ARHGAP18: variants seen among roughly 807,000 people sequenced by gnomAD.
ARHGAP18 encodes the protein rho GTPase-activating protein 18.
ARHGAP18 carries 67 observed loss-of-function variants against 86.2 expected under a neutral mutation model. That is an observed-to-expected ratio of 0.78 (90% CI 0.64 to 0.95). The LOEUF (loss-of-function observed/expected upper bound fraction) is 0.95. Among genes scored for constraint, ARHGAP18 ranks in the 40% least tolerant of loss-of-function variants. The pLI, the probability that ARHGAP18 is intolerant of heterozygous loss-of-function variation, is 0.00. For missense variants in ARHGAP18, 691 were observed against 780.4 expected, an observed-to-expected ratio of 0.89 and a Z score of 1.37; for synonymous variants, 283 against 280.4, an observed-to-expected ratio of 1.01 and a Z score of -0.09.
At chr6:129,638,300 T>A in intron 3 of ARHGAP18, 94 bp downstream of exon 3, 1 of 1,239,676 alleles carries the variant, frequency 8.1e-7, no homozygotes, top group South Asian at 1.3e-5. Flanking sequence ...GAATAGGTGA[T>A]CATTACGTTT....
intron 2 of ARHGAP18, among the ~76,000 whole-genome samples, chr6:129,641,206 C>T (rs1055526768): frequency 6.6e-6 from 1 of 152,096 alleles, no homozygotes; most frequent in Admixed American, 6.5e-5. Flanking sequence ...CTTTGAAAAC[C>T]ACCCACAAAA....
At chr6:129,630,767 C>T (rs182439448) in intron 4 of ARHGAP18, among the ~76,000 whole-genome samples, 25 of 152,208 alleles carry the variant, frequency 1.6e-4, no homozygotes, top group Admixed American at 1.2e-3. Flanking sequence ...AGGAGGGTTC[C>T]ACACTTGGTT....
intron 1 of ARHGAP18, among the ~76,000 whole-genome samples, chr6:129,703,994 AGGT>A (rs1376994861): frequency 1.9e-5 from 1 of 54,038 alleles, no homozygotes; most frequent in African/African-American, 5.6e-5. Context: ...ATATATGATC[AGGT>A]AATAATACAC....
chr6:129,636,107 C>T (rs1424335875), intron 3 of ARHGAP18, among the ~76,000 whole-genome samples: 1 of 152,166 alleles, frequency 6.6e-6, no homozygotes, highest in African/African-American at 2.4e-5. Flanking sequence ...ACTAAATTTC[C>T]TTACCATTCA....
intron 5 of ARHGAP18, among the ~76,000 whole-genome samples, chr6:129,625,770 TATA>T: frequency 1.6e-5 from 1 of 63,848 alleles, no homozygotes; most frequent in Non-Finnish European, 2.8e-5. Flanking sequence ...ATATATTATA[TATA>T]TTTATATATA....
rs1021891831 is a variant in ARHGAP18, at chr6:129,588,149, G to C, written c.1714-4037C>G. On this transcript the variant is annotated intron_variant, in intron 12 of 14. Transcript: ENST00000368149. ...TTTTTTTTTTTTGCAATGGAGTCTT[G>C]CTTTTTCACCCAGGCTGGAGTGTAG... Among the ~76,000 whole-genome samples the C allele has an allele frequency of 2.1e-5, 3 of 142,190 alleles. No individual in the cohort carries two copies. The Admixed American group carries it at 2.2e-4, about 10-fold the overall frequency. 93.3% of individuals were successfully genotyped at this position (142,190 alleles called of 152,430 possible).
chr6:129,625,872 TTA>T (rs1237058323), intron 5 of ARHGAP18, among the ~76,000 whole-genome samples: 821 of 69,886 alleles, frequency 0.012, 112 homozygotes, highest in Non-Finnish European at 0.018. Context: ...ATATTATATA[TTA>T]TATATTTATA....
chr6:129,617,791 T>G (rs991060381), intron 6 of ARHGAP18, among the ~76,000 whole-genome samples: 6 of 152,232 alleles, frequency 3.9e-5, no homozygotes, highest in Non-Finnish European at 8.8e-5. Context: ...GGGCCCAGCA[T>G]GACAGGACCA....
intron 7 of ARHGAP18, among the ~76,000 whole-genome samples, chr6:129,612,014 C>T (rs1788990398): frequency 6.6e-6 from 1 of 152,074 alleles, no homozygotes; most frequent in African/African-American, 2.4e-5. Flanking sequence ...TTAGCTTGTT[C>T]CAAGAAAGAA....
chr6:129,613,214 C>G (rs1184702070), intron 7 of ARHGAP18, among the ~76,000 whole-genome samples: 2 of 132,126 alleles, frequency 1.5e-5, no homozygotes, highest in Non-Finnish European at 3.1e-5. Context: ...GCCTGGGCGA[C>G]AGAGCGAGAC....
chr6:129,695,901 T>A (rs1024748691), intron 1 of ARHGAP18, among the ~76,000 whole-genome samples: 2 of 152,150 alleles, frequency 1.3e-5, no homozygotes, highest in East Asian at 1.9e-4. Context: ...GGCTTCCTAG[T>A]CACGTATCCT....
At chr6:129,624,590 T>G (rs377693924) in intron 5 of ARHGAP18, among the ~76,000 whole-genome samples, 2 of 151,718 alleles carry the variant, frequency 1.3e-5, no homozygotes, top group East Asian at 3.9e-4. Flanking sequence ...GGATCATCAT[T>G]TTAGGCCACA....
At chr6:129,608,676 T>C (rs546856845) in intron 8 of ARHGAP18, among the ~76,000 whole-genome samples, 12 of 152,340 alleles carry the variant, frequency 7.9e-5, no homozygotes, top group African/African-American at 2.9e-4. Context: ...ACCTCAGAAC[T>C]CTACAAAATT....
rs767275285 is a variant in ARHGAP18, at chr6:129,710,083, G to T, written c.54C>A (p.Ser18Arg). Reference sequence around the variant, plus strand: ...TGTTCCCGACGGTCTGGTCCTTGCCGCTGGGGTGGTAGGCTGTTAGTACCA... The same window carrying T: ...TGTTCCCGACGGTCTGGTCCTTGCCTCTGGGGTGGTAGGCTGTTAGTACCA... Reference protein sequence around the residue: ...QGVVLTAYHPSGKDQTVGNSH... With the variant: ...QGVVLTAYHPRGKDQTVGNSH... The change falls in exon 1 of 15, where the codon AGC (serine) becomes AGA (arginine). Residue 18 changes from serine to arginine, a missense_variant. Transcript: ENST00000368149. The T allele has an allele frequency of 7.4e-6, 12 of 1,614,084 alleles. No individual in the cohort carries two copies. The South Asian group carries it at 1.3e-4, about 18-fold the overall frequency.
At chr6:129,664,385 A>G (rs1774004198) in intron 1 of ARHGAP18, among the ~76,000 whole-genome samples, 1 of 152,138 alleles carries the variant, frequency 6.6e-6, no homozygotes, top group Admixed American at 6.5e-5. Flanking sequence ...TTTGTAAAAT[A>G]GGAAAGTTAG....
At chr6:129,633,416 C>T (rs1246855607) in intron 4 of ARHGAP18, among the ~76,000 whole-genome samples, 2 of 127,094 alleles carry the variant, frequency 1.6e-5, no homozygotes, top group African/African-American at 3.1e-5. Context: ...GCCTGGGAGA[C>T]AGAGCAAGAC....
intron 1 of ARHGAP18, among the ~76,000 whole-genome samples, chr6:129,671,801 T>C (rs1015186995): frequency 2.6e-5 from 4 of 152,216 alleles, no homozygotes; most frequent in African/African-American, 9.6e-5. Flanking sequence ...TAGGTCATTC[T>C]AGACACCAGA....
rs532852904 is a variant in ARHGAP18, at chr6:129,698,373, A to G, written c.113+11651T>C. 2.0e-5 allele frequency among the ~76,000 whole-genome samples: 3 copies of G among 152,284 alleles called. No homozygotes were observed. The South Asian group carries it at 6.2e-4, about 32-fold the overall frequency. On this transcript the variant is annotated intron_variant, in intron 1 of 14. Transcript: ENST00000368149. ...TTATGCTGTTCAATCAATAATTCCT[A>G]TTATTTTCCTCAAATATAGATGGTA...
rs750958692 is a variant in ARHGAP18, at chr6:129,605,868, C to A, written c.1365+9G>T. ...TAAGGGATATTTAATGTAAATTAAC[C>A]AAGCTGACCTTCAGTGTGTCCCTGT... On this transcript the variant is annotated intron_variant, in intron 10 of 14. Transcript: ENST00000368149. The A allele has an allele frequency of 6.2e-7, 1 of 1,610,528 alleles. No individual in the cohort carries two copies. Among genetic ancestry groups the A allele is most frequent in the African/African-American group, 1.3e-5 (1 of 74,728 alleles).
Sources: allele counts gnomAD v4.1 joint callset (sites outside exome capture counted in the v4.1 genomes callset), GRCh38; gene constraint gnomAD v4.1.1; transcripts MANE v1.5; gene names NCBI Gene and HGNC (gene_info 2026-07-23, HGNC 2026-07-21).